The following MALRD1 variants were observed in gnomAD, a reference collection of about 807,000 sequenced individuals.
The protein encoded by MALRD1 is MAM and LDL-receptor class A domain-containing protein 1.
MALRD1 carries 247 observed loss-of-function variants against 242.1 expected under a neutral mutation model. The ratio of observed to expected loss-of-function variants is 1.02; its 90% CI spans 0.92 to 1.13. MALRD1 has a LOEUF of 1.13. Among genes scored for constraint, MALRD1 ranks in the 50% most tolerant of loss-of-function variants. The pLI, the probability that MALRD1 is intolerant of heterozygous loss-of-function variation, is 0.00. For missense variants in MALRD1, 2,989 were observed against 2,533.1 expected, an observed-to-expected ratio of 1.18 and a Z score of -3.86; for synonymous variants, 995 against 866.6, an observed-to-expected ratio of 1.15 and a Z score of -2.60.
chr10:19,095,630 T>A (rs1835999333), intron 4 of MALRD1, among the ~76,000 whole-genome samples: 1 of 152,138 alleles, frequency 6.6e-6, no homozygotes. Flanking sequence ...TTGATAGGTA[T>A]GGGGAGGGGA....
intron 28 of MALRD1, among the ~76,000 whole-genome samples, chr10:19,423,907 A>G (rs1589052340): frequency 6.6e-6 from 1 of 152,322 alleles, no homozygotes; most frequent in East Asian, 1.9e-4. Flanking sequence ...CAAATGTCAC[A>G]AGACTAAATG....
intron 26 of MALRD1, among the ~76,000 whole-genome samples, chr10:19,380,517 T>G (rs1314263332): frequency 1.3e-5 from 2 of 152,088 alleles, no homozygotes; most frequent in African/African-American, 2.4e-5. Flanking sequence ...CTTTACACAC[T>G]TTTTCTCTCT....
chr10:19,576,518 A>G (rs560854888), intron 33 of MALRD1, among the ~76,000 whole-genome samples: 22 of 152,320 alleles, frequency 1.4e-4, no homozygotes, highest in African/African-American at 5.1e-4. Flanking sequence ...AATTAATCAA[A>G]ATACATAAAT....
At chr10:19,344,811 C>T (rs1349489634) in intron 24 of MALRD1, among the ~76,000 whole-genome samples, 2 of 151,878 alleles carry the variant, frequency 1.3e-5, no homozygotes, top group African/African-American at 4.8e-5. Flanking sequence ...TGATTTCTCT[C>T]ATCAGCATTT....
intron 1 of MALRD1, among the ~76,000 whole-genome samples, chr10:19,054,101 T>C (rs1834592797): frequency 6.6e-6 from 1 of 152,174 alleles, no homozygotes; most frequent in African/African-American, 2.4e-5. Flanking sequence ...CTGGTCTGTG[T>C]AATTTTTTTA....
intron 18 of MALRD1, among the ~76,000 whole-genome samples, chr10:19,240,995 G>C (rs1338304861): frequency 6.6e-6 from 1 of 151,972 alleles, no homozygotes; most frequent in Non-Finnish European, 1.5e-5. Context: ...TTTTATCTAT[G>C]TTCTTCAGGA....
chr10:19,621,351 T>TAA (rs56041015), intron 36 of MALRD1, among the ~76,000 whole-genome samples: 56,944 of 121,790 alleles, frequency 0.47, 13,759 homozygotes, highest in South Asian at 0.56. Flanking sequence ...TAAAAATATG[T>TAA]AAAAAAAAAA....
intron 28 of MALRD1, among the ~76,000 whole-genome samples, chr10:19,401,148 TA>T (rs1846820606): frequency 6.6e-6 from 1 of 152,140 alleles, no homozygotes; most frequent in African/African-American, 2.4e-5. Flanking sequence ...GGATAGTAAT[TA>T]AGGATATGAT....
intron 36 of MALRD1, among the ~76,000 whole-genome samples, chr10:19,672,332 T>G (rs1284975829): frequency 1.3e-5 from 2 of 151,878 alleles, no homozygotes; most frequent in Non-Finnish European, 2.9e-5. Flanking sequence ...GGAGATTATC[T>G]ACTGCATAGA....
intron 28 of MALRD1, among the ~76,000 whole-genome samples, chr10:19,393,682 G>A (rs1485056801): frequency 7.1e-6 from 1 of 141,684 alleles, no homozygotes; most frequent in South Asian, 2.2e-4. Context: ...GGTCTCCATC[G>A]CCTGACCTCG....
intron 29 of MALRD1, among the ~76,000 whole-genome samples, chr10:19,484,964 A>G (rs964672069): frequency 4.1e-5 from 6 of 145,352 alleles, no homozygotes; most frequent in South Asian, 2.1e-4. Context: ...AAAATGTGGT[A>G]TATATACACC....
In MALRD1 at chr10:19,610,594, A is replaced by G. The variant is rs549665562; in HGVS notation, c.6070+2692A>G. 1.4e-4 allele frequency among the ~76,000 whole-genome samples: 22 copies of G among 152,146 alleles called. No individual in the cohort carries two copies. The East Asian group carries it at 3.7e-3, about 26-fold the overall frequency. On this transcript the variant is annotated intron_variant, in intron 35 of 39. Coordinates refer to ENST00000454679, the MANE Select transcript of MALRD1 (RefSeq NM_001142308.3). The stretch of plus-strand genomic sequence containing the variant: ...TATGTGCAGATAATTGTGTATATGC[A>G]TACTTATCTGGGACAGTACATAAAT...
At chr10:19,624,845 C>A (rs1042688040) in intron 36 of MALRD1, among the ~76,000 whole-genome samples, 1 of 143,994 alleles carries the variant, frequency 6.9e-6, no homozygotes, top group African/African-American at 2.6e-5. Context: ...CACACTCCAG[C>A]CTGGGTGACA....
chr10:19,562,848 C>T (rs1411329119), intron 32 of MALRD1, among the ~76,000 whole-genome samples: 1 of 152,140 alleles, frequency 6.6e-6, no homozygotes, highest in Admixed American at 6.5e-5. Context: ...GTGTGCTCCT[C>T]ATGAGGATCT....
intron 38 of MALRD1, among the ~76,000 whole-genome samples, chr10:19,722,864 G>T (rs1834835074): frequency 6.6e-6 from 1 of 152,110 alleles, no homozygotes; most frequent in Non-Finnish European, 1.5e-5. Flanking sequence ...TCATCTAAGA[G>T]ACAGAAACCA....
intron 36 of MALRD1, among the ~76,000 whole-genome samples, chr10:19,686,371 G>T (rs1014630189): frequency 6.6e-6 from 1 of 152,140 alleles, no homozygotes; most frequent in Non-Finnish European, 1.5e-5. Flanking sequence ...GCCGTGCGTG[G>T]CGTGTTTGCT....
At chr10:19,308,053 T>G (rs951986427) in intron 21 of MALRD1, among the ~76,000 whole-genome samples, 1 of 151,720 alleles carries the variant, frequency 6.6e-6, no homozygotes, top group Admixed American at 6.6e-5. Context: ...TTCTTTTAGT[T>G]ATTTTAAAAT....
chr10:19,554,767 C>T (rs192965144), intron 32 of MALRD1, among the ~76,000 whole-genome samples: 166 of 152,204 alleles, frequency 1.1e-3, no homozygotes, highest in African/African-American at 3.9e-3. Flanking sequence ...TGTATATGCA[C>T]CACATTTTTT....
At position 19,103,901 on chromosome 10, in the gene MALRD1, C is replaced by G. The variant is rs899299246; in HGVS notation, c.598-78C>G. ...AGTGACATGCTTCCTATTGCAGGCT[C>G]TCTTTTATAACACTGTGAGACAGTG... is the stretch of plus-strand genomic sequence containing the variant. On this transcript the variant is annotated intron_variant, in intron 4 of 39. Coordinates refer to ENST00000454679, the MANE Select transcript of MALRD1 (RefSeq NM_001142308.3). 7.0e-6 allele frequency: 6 copies of G among 862,246 alleles called. No individual in the cohort carries two copies. The African/African-American group carries it at 1.1e-4, about 15-fold the overall frequency. 53.4% of individuals were successfully genotyped at this position (862,246 alleles called of 1,614,324 possible).
Sources: gnomAD v4.1 joint callset for allele counts (sites outside exome capture counted in the v4.1 genomes callset) on GRCh38, gnomAD v4.1.1 for gene constraint, MANE v1.5 for transcripts, NCBI Gene and HGNC (gene_info 2026-07-23, HGNC 2026-07-21) for gene names.